The following CLCA1 variants were observed in gnomAD, a reference collection of about 807,000 sequenced individuals.
CLCA1 encodes the protein chloride channel accessory 1, also known as calcium-activated chloride channel regulator 1.
CLCA1 carries 59 observed loss-of-function variants against 85.6 expected under a neutral mutation model. That is an observed-to-expected ratio of 0.69 (90% confidence interval 0.56 to 0.86). CLCA1 has a LOEUF of 0.86. Among genes scored for constraint, CLCA1 ranks in the 40% least tolerant of loss-of-function variants. The pLI, the probability that CLCA1 is intolerant of heterozygous loss-of-function variation, is 0.00. For synonymous variants in CLCA1, 396 were observed against 398.3 expected (o/e 0.99, Z 0.07); for missense variants, 1,022 against 1,101.4 (o/e 0.93, Z 1.02).
chr1:86,496,633 T>C (rs1648295391), intron 12 of CLCA1, among the ~76,000 whole-genome samples: 1 of 152,208 alleles, frequency 6.6e-6, no homozygotes, highest in African/African-American at 2.4e-5. Context: ...ACCTTCCCAC[T>C]GTCATCTTTA....
rs530167179 is a variant in CLCA1, at chr1:86,491,578, A to G, written c.1464+207A>G. Reference sequence around the variant, plus strand: ...AATTAGTGTCTACTTGTTTGGAAGCAATACCAAGTGAATTCCTCACAGAAG... The same window carrying G: ...AATTAGTGTCTACTTGTTTGGAAGCGATACCAAGTGAATTCCTCACAGAAG... On this transcript the variant is annotated intron_variant, in intron 9 of 13. Coordinates refer to ENST00000394711, the MANE Select transcript of CLCA1 (RefSeq NM_001285.4). Among the ~76,000 whole-genome samples the G allele has an allele frequency of 2.4e-4, 36 of 152,344 alleles. 1 individual carries two copies. The South Asian group carries it at 6.4e-3, about 27-fold the overall frequency.
chr1:86,489,191 A>G (rs1570287295), intron 8 of CLCA1, 21 bp downstream of exon 8: 1 of 1,607,572 alleles, frequency 6.2e-7, no homozygotes, highest in Admixed American at 1.7e-5. Context: ...ATTTGCTGAG[A>G]CCCCCGGTAT....
chr1:86,493,866 G>A (rs1377475553), intron 10 of CLCA1, among the ~76,000 whole-genome samples: 2 of 152,088 alleles, frequency 1.3e-5, no homozygotes, highest in Non-Finnish European at 2.9e-5. Flanking sequence ...AATGATCCTC[G>A]ACATTTTGGG....
intron 8 of CLCA1, among the ~76,000 whole-genome samples, chr1:86,490,899 T>TA (rs59948810): frequency 0.49 from 43,268 of 88,500 alleles, 8,808 homozygotes; most frequent in East Asian, 0.71. Context: ...AACCCATCTC[T>TA]AAAAAAAAAA....
At chr1:86,477,498 G>A (rs1647703368) in intron 4 of CLCA1, among the ~76,000 whole-genome samples, 1 of 152,136 alleles carries the variant, frequency 6.6e-6, no homozygotes, top group Non-Finnish European at 1.5e-5. Context: ...CACAAAAACT[G>A]CTTTAGTGCA....
intron 4 of CLCA1, among the ~76,000 whole-genome samples, chr1:86,479,883 TCA>T (rs1001095892): frequency 6.6e-6 from 1 of 151,896 alleles, no homozygotes; most frequent in African/African-American, 2.4e-5. Flanking sequence ...AGACTCCATC[TCA>T]AAAAACAAAC....
chr1:86,495,115 C>T (rs1188598500), intron 11 of CLCA1, among the ~76,000 whole-genome samples: 1 of 151,738 alleles, frequency 6.6e-6, no homozygotes, highest in Non-Finnish European at 1.5e-5. Context: ...ATGAATTTCC[C>T]ACCTAAATCT....
chr1:86,480,253 AG>A (rs1647782068), intron 4 of CLCA1, among the ~76,000 whole-genome samples: 3 of 152,180 alleles, frequency 2.0e-5, no homozygotes, highest in African/African-American at 4.8e-5. Context: ...AGGAAAAAAC[AG>A]AAAAAGATAT....
At chr1:86,486,241 G>T (rs115489387) in intron 6 of CLCA1, among the ~76,000 whole-genome samples, 2 of 152,150 alleles carry the variant, frequency 1.3e-5, no homozygotes, top group African/African-American at 4.8e-5. Flanking sequence ...GAGCCAAACC[G>T]TATCACCTGA....
intron 1 of CLCA1, among the ~76,000 whole-genome samples, chr1:86,470,225 GA>G (rs1262477705): frequency 1.3e-5 from 2 of 152,206 alleles, no homozygotes; most frequent in African/African-American, 2.4e-5. Flanking sequence ...TGTGGTTAGA[GA>G]ATTGCAGCAG....
chr1:86,469,257 C>A, intron 1 of CLCA1, 124 bp downstream of exon 1: 1 of 624,500 alleles, frequency 1.6e-6, no homozygotes. Flanking sequence ...GTCTCAGTTT[C>A]TTCATCTGTA....
chr1:86,482,480 C>A (rs1261774688), intron 5 of CLCA1, 98 bp downstream of exon 5: 2 of 1,155,424 alleles, frequency 1.7e-6, no homozygotes, highest in Non-Finnish European at 2.5e-6. Context: ...TTAGAGAAAT[C>A]ATCAGTGAGC....
intron 4 of CLCA1, 60 bp from the exon 5 acceptor site, chr1:86,482,145 A>G (rs1647837663): frequency 1.5e-6 from 2 of 1,308,992 alleles, no homozygotes; most frequent in Admixed American, 1.9e-5. Flanking sequence ...AACTGAGCAT[A>G]GACTCTGACC....
At chr1:86,489,405 G>A (rs5744380) in intron 8 of CLCA1, among the ~76,000 whole-genome samples, 85 of 152,340 alleles carry the variant, frequency 5.6e-4, no homozygotes, top group African/African-American at 1.9e-3. Context: ...GCACTCTAGT[G>A]AGGACTCAGG....
At chr1:86,493,639 GATAAA>G in intron 10 of CLCA1, 40 bp downstream of exon 10, 1 of 1,451,466 alleles carries the variant, frequency 6.9e-7, no homozygotes, top group South Asian at 1.2e-5. Context: ...AATTCAACAA[GATAAA>G]ATAAAGTTTT....
At chr1:86,481,899 G>A (rs1647833117) in intron 4 of CLCA1, among the ~76,000 whole-genome samples, 1 of 152,180 alleles carries the variant, frequency 6.6e-6, no homozygotes, top group Non-Finnish European at 1.5e-5. Flanking sequence ...AGGGATGAAG[G>A]GAATAGATTC....
At position 86,495,646 on chromosome 1, in the gene CLCA1, C is replaced by A; in HGVS notation, c.2084C>A (p.Ala695Glu). Residue 695 changes from alanine to glutamate, a missense_variant, in exon 12 of 14, where the codon GCA (alanine) becomes GAA (glutamate). Physicochemically the swap from Ala to Glu is moderately radical, Grantham distance 107. Transcript: ENST00000394711. ...RRRVIPQQSG[A>E]LYIPGWIEND... is the part of the protein sequence containing the mutation. ...AGAGTGATACCCCAGCAGAGTGGAGCACTGTACATACCTGGCTGGATTGAG... is the reference window on the plus strand; with the variant it reads ...AGAGTGATACCCCAGCAGAGTGGAGAACTGTACATACCTGGCTGGATTGAG... 6.2e-7 allele frequency: 1 copy of A among 1,613,922 alleles called. No homozygotes were observed. Among genetic ancestry groups the A allele is most frequent in the Non-Finnish European group, 8.5e-7 (1 of 1,179,912 alleles).
chr1:86,479,764 A>G (rs945861729), intron 4 of CLCA1, among the ~76,000 whole-genome samples: 22 of 152,276 alleles, frequency 1.4e-4, no homozygotes, highest in Non-Finnish European at 2.6e-4. Flanking sequence ...GGGTGCCTGT[A>G]GTCCCAGCTA....
chr1:86,482,743 T>A (rs1647852839), intron 5 of CLCA1, among the ~76,000 whole-genome samples: 1 of 152,206 alleles, frequency 6.6e-6, no homozygotes, highest in Non-Finnish European at 1.5e-5. Flanking sequence ...ATCAGTAGGC[T>A]CTTGATTTAA....
Sources: allele counts gnomAD v4.1 joint callset (sites outside exome capture counted in the v4.1 genomes callset), GRCh38; gene constraint gnomAD v4.1.1; transcripts MANE v1.5; gene names NCBI Gene and HGNC (gene_info 2026-07-23, HGNC 2026-07-21).